The following ATP13A3 variants were observed in gnomAD, a reference collection of about 807,000 sequenced individuals.
ATP13A3 encodes the protein ATPase 13A3.
In ATP13A3, 59 loss-of-function variants were observed where a neutral mutation model predicts 158.1. That is an observed-to-expected ratio of 0.37 (90% CI 0.30 to 0.46). The LOEUF is 0.46. Ranked by LOEUF, ATP13A3 falls within the 20% of genes least tolerant of loss-of-function variation. The pLI is 1.00. For missense variants in ATP13A3, 1,166 were observed against 1,525.2 expected, an observed-to-expected ratio of 0.76 and a Z score of 3.92; for synonymous variants, 491 against 504.3, an observed-to-expected ratio of 0.97 and a Z score of 0.35.
At chr3:194,476,762 T>A (rs1423304400) in intron 2 of ATP13A3, among the ~76,000 whole-genome samples, 1 of 143,318 alleles carries the variant, frequency 7.0e-6, no homozygotes, top group Non-Finnish European at 1.5e-5. Context: ...CAAAGTAAGT[T>A]GTTGTTTTTT....
intron 23 of ATP13A3, 34 bp downstream of exon 23, chr3:194,431,070 C>A (rs369197878): frequency 7.4e-6 from 12 of 1,613,310 alleles, no homozygotes; most frequent in Non-Finnish European, 1.0e-5. Context: ...GCGATGCATT[C>A]ATGTGAGCAC....
In ATP13A3 at chr3:194,437,216, C is replaced by T. The variant is rs1483242948; in HGVS notation, c.2000-1G>A. On this transcript the variant is annotated splice_acceptor_variant, in intron 19 of 33. Coordinates refer to ENST00000645319, the MANE Select transcript of ATP13A3 (RefSeq NM_001367549.1). LOFTEE classifies it high-confidence loss of function. ...AAAACGTTTTGAAAATCGACAGGAA[C>T]TTTTTAAAAGAAAGAGTAAATTTCA... 6.2e-7 allele frequency: 1 copy of T among 1,613,968 alleles called. No homozygotes were observed. The highest frequency in any genetic ancestry group is 1.3e-5 in the African/African-American group (1 of 75,028).
chr3:194,418,705 A>G (rs1343512693), intron 31 of ATP13A3, among the ~76,000 whole-genome samples: 3 of 152,222 alleles, frequency 2.0e-5, no homozygotes, highest in East Asian at 3.8e-4. Flanking sequence ...GATTGATACA[A>G]TCACTTTGGA....
intron 2 of ATP13A3, among the ~76,000 whole-genome samples, chr3:194,478,160 T>C (rs1363160465): frequency 1.3e-5 from 2 of 152,148 alleles, no homozygotes; most frequent in Non-Finnish European, 2.9e-5. Flanking sequence ...CATTCTGGTT[T>C]ATTGCCAATT....
chr3:194,438,845 T>C lies in ATP13A3; in HGVS notation c.1827+11A>G. On this transcript the variant is annotated intron_variant, in intron 17 of 33. Coordinates refer to ENST00000645319, the MANE Select transcript of ATP13A3 (RefSeq NM_001367549.1). ...ACCAACAGTTTTATCTAGCTTTAAG[T>C]GATTTCTCACCATTTCTTGGTTTCC... The C allele has an allele frequency of 6.6e-7, 1 of 1,510,064 alleles. No individual in the cohort carries two copies. Among genetic ancestry groups the C allele is most frequent in the Non-Finnish European group, 9.1e-7 (1 of 1,104,214 alleles). The allele number at this position is 1,510,064 out of a possible 1,614,324, so 93.5% of individuals were successfully genotyped here. A position where few individuals can be genotyped will look rare whatever the true frequency, so the allele number is the denominator to read the frequency against.
At chr3:194,423,000 G>A (rs1716502104) in intron 30 of ATP13A3, among the ~76,000 whole-genome samples, 3 of 151,332 alleles carry the variant, frequency 2.0e-5, no homozygotes, top group Admixed American at 1.3e-4. Context: ...TGGCAATTCA[G>A]TAGTAATGCC....
intron 2 of ATP13A3, among the ~76,000 whole-genome samples, chr3:194,470,795 T>C (rs940056512): frequency 2.0e-5 from 3 of 152,230 alleles, no homozygotes; most frequent in Non-Finnish European, 2.9e-5. Context: ...TTATGATTGC[T>C]AGATAGATTT....
chr3:194,461,777 T>A (rs1719679399), intron 3 of ATP13A3, among the ~76,000 whole-genome samples: 1 of 152,234 alleles, frequency 6.6e-6, no homozygotes, highest in Non-Finnish European at 1.5e-5. Flanking sequence ...AAGTTGAAGT[T>A]GGCTTTTTTT....
chr3:194,435,885 C>T (rs754822172), intron 20 of ATP13A3, among the ~76,000 whole-genome samples: 16 of 151,810 alleles, frequency 1.1e-4, no homozygotes, highest in Non-Finnish European at 1.9e-4. Context: ...CCAGCCTGGG[C>T]AACAGAGCGA....
At chr3:194,464,981 T>C (rs1719902539) in intron 2 of ATP13A3, among the ~76,000 whole-genome samples, 1 of 151,754 alleles carries the variant, frequency 6.6e-6, no homozygotes, top group African/African-American at 2.4e-5. Flanking sequence ...ATATGCTTCC[T>C]CAGGGAAGGA....
intron 33 of ATP13A3, among the ~76,000 whole-genome samples, chr3:194,410,937 GGTGTGTGT>G (rs34952393): frequency 5.5e-4 from 70 of 127,270 alleles, no homozygotes; most frequent in East Asian, 2.0e-3. Context: ...GGGGTGTTGG[GGTGTGTGT>G]GTGTGTGTGT....
At chr3:194,477,133 A>G (rs756947079) in intron 2 of ATP13A3, among the ~76,000 whole-genome samples, 1 of 152,172 alleles carries the variant, frequency 6.6e-6, no homozygotes, top group African/African-American at 2.4e-5. Context: ...TCTGCCAAGA[A>G]TGCCCTTCTC....
chr3:194,483,621 G>C (rs1310170673), intron 2 of ATP13A3, among the ~76,000 whole-genome samples: 2 of 152,044 alleles, frequency 1.3e-5, no homozygotes, highest in African/African-American at 4.8e-5. Flanking sequence ...GACGACTACA[G>C]ATTTACTCTC....
chr3:194,467,373 C>A (rs973545580), intron 2 of ATP13A3, among the ~76,000 whole-genome samples: 1 of 152,180 alleles, frequency 6.6e-6, no homozygotes, highest in East Asian at 1.9e-4. Flanking sequence ...CAGTTCACTG[C>A]CTATAGCAAT....
intron 16 of ATP13A3, among the ~76,000 whole-genome samples, chr3:194,439,976 A>G (rs1418554369): frequency 6.6e-6 from 1 of 152,210 alleles, no homozygotes; most frequent in African/African-American, 2.4e-5. Context: ...TTAAACTTCA[A>G]GAGTGTTTAC....
At chr3:194,437,631 A>G (rs1717753621) in intron 17 of ATP13A3, 58 bp from the exon 18 acceptor site, 3 of 1,468,246 alleles carry the variant, frequency 2.0e-6, no homozygotes, top group Admixed American at 2.3e-5. Flanking sequence ...AACACACTAA[A>G]GTTAGAAAAA....
chr3:194,488,239 AT>A (rs11306767), upstream of ATP13A3: 24,873 of 152,080 alleles, frequency 0.16, 3,604 homozygotes, highest in African/African-American at 0.39. The surrounding 1 kb of genome is among the most constrained non-coding windows in gnomAD (Gnocchi z 4.1). Context: ...ATTAAATGAG[AT>A]TAAGGGGTGT....
intron 30 of ATP13A3, among the ~76,000 whole-genome samples, chr3:194,420,871 C>T (rs1165798766): frequency 6.6e-6 from 1 of 151,370 alleles, no homozygotes. Context: ...ATTTGAACTC[C>T]ACTTCAAACT....
chr3:194,480,583 C>A (rs535186921), intron 2 of ATP13A3, among the ~76,000 whole-genome samples: 6 of 152,214 alleles, frequency 3.9e-5, no homozygotes, highest in African/African-American at 1.2e-4. Context: ...TACCAATAAT[C>A]TCCTAATATT....
Sources: gnomAD v4.1 joint callset for allele counts (sites outside exome capture counted in the v4.1 genomes callset) on GRCh38, gnomAD v4.1.1 for gene constraint, Gnocchi (gnomAD v3.1) non-coding constraint, MANE v1.5 for transcripts, NCBI Gene and HGNC (gene_info 2026-07-23, HGNC 2026-07-21) for gene names.